The following IGF2BP3 variants were observed in gnomAD, a reference collection of about 807,000 sequenced individuals.
IGF2BP3 encodes insulin-like growth factor 2 mRNA-binding protein 3.
In IGF2BP3, 9 loss-of-function variants were observed where a neutral mutation model predicts 73.8. The ratio of observed to expected loss-of-function variants is 0.12; its 90% CI spans 0.07 to 0.21. The LOEUF is 0.21. Among genes scored for constraint, IGF2BP3 ranks in the 10% least tolerant of loss-of-function variants. The pLI, the probability that IGF2BP3 is intolerant of heterozygous loss-of-function variation, is 1.00. For synonymous variants in IGF2BP3, 258 were observed against 256.7 expected (o/e 1.01, Z -0.05); for missense variants, 542 against 714.0 (o/e 0.76, Z 2.75).
At position 23,312,413 on chromosome 7, in the gene IGF2BP3, G is replaced by A. The variant is rs1183010430; in HGVS notation, c.1689C>T (p.His563=). The A allele has an allele frequency of 1.2e-6, 2 of 1,613,648 alleles. No homozygotes were observed. Among genetic ancestry groups the A allele is most frequent in the Non-Finnish European group, 1.7e-6 (2 of 1,179,988 alleles). Residue 563 remains histidine (H), a synonymous_variant, in exon 15 of 15, where the codon CAC becomes CAT. Transcript: ENST00000258729. ...CACTTTGCAGAGCCTTCTGTTGTTG[G>A]TGCTGCTTTACCTGAGTCAGAATTT... ...IQEILTQVKQ[H]QQQKALQSGP...
chr7:23,410,076 C>T lies in IGF2BP3; in HGVS notation c.285+8700G>A, dbSNP rs542465231. Among the ~76,000 whole-genome samples the T allele has an allele frequency of 9.2e-4, 140 of 152,098 alleles. 1 individual carries two copies. The highest frequency in any genetic ancestry group is 5.6e-3 in the Admixed American group (86 of 15,264). On this transcript the variant is annotated intron_variant, in intron 3 of 14. Transcript: ENST00000258729. ...CCCAGCTACTCAGGAGGCTGAGACA[C>T]GAGAATCGCTTGAACCCAGGAGGCA...
chr7:23,449,377 TGTG>T (rs1355136297), intron 2 of IGF2BP3, among the ~76,000 whole-genome samples: 1 of 150,874 alleles, frequency 6.6e-6, no homozygotes, highest in Non-Finnish European at 1.5e-5. Context: ...ATTAGCCGGG[TGTG>T]GTGGTGGGCG....
Position 23,425,562 on chromosome 7 carries a change from T to TG in IGF2BP3, c.237-6739dup, listed in dbSNP as rs1787484626. Among the ~76,000 whole-genome samples, 4 of 152,042 alleles carry TG rather than the reference T, an allele frequency of 2.6e-5. No individual in the cohort carries two copies. The South Asian group carries it at 8.3e-4, about 31-fold the overall frequency. ...TGCCCAGCTAAATTTTTTGTAGAGA[T>TG]GGGGTCTCACTACATTCCCCAGGCT... On this transcript the variant is annotated intron_variant, in intron 2 of 14. Coordinates refer to ENST00000258729, the MANE Select transcript of IGF2BP3 (RefSeq NM_006547.3).
intron 5 of IGF2BP3, among the ~76,000 whole-genome samples, chr7:23,358,941 G>A (rs1475411887): frequency 2.0e-5 from 3 of 152,154 alleles, no homozygotes; most frequent in African/African-American, 7.2e-5. Context: ...TATTCTTATT[G>A]GCAACTTTTG....
chr7:23,316,720 G>A (rs1290884477), intron 12 of IGF2BP3, among the ~76,000 whole-genome samples: 4 of 150,518 alleles, frequency 2.7e-5, no homozygotes, highest in Non-Finnish European at 4.4e-5. Context: ...ACAGCTTAAG[G>A]TTAAATAGTT....
At chr7:23,317,191 C>G (rs1460934117) in intron 12 of IGF2BP3, among the ~76,000 whole-genome samples, 2 of 152,150 alleles carry the variant, frequency 1.3e-5, no homozygotes, top group African/African-American at 4.8e-5. Context: ...ATTCCTATCT[C>G]TAAGATCCCA....
At chr7:23,441,080 G>C (rs911398377) in intron 2 of IGF2BP3, among the ~76,000 whole-genome samples, 2 of 152,046 alleles carry the variant, frequency 1.3e-5, no homozygotes, top group Non-Finnish European at 2.9e-5. Flanking sequence ...TATACTTGAA[G>C]TATTTTTTGG....
chr7:23,466,657 C>T (rs375962783), intron 2 of IGF2BP3, among the ~76,000 whole-genome samples: 1 of 152,230 alleles, frequency 6.6e-6, no homozygotes, highest in South Asian at 2.1e-4. Context: ...TATATATATG[C>T]TTTTGGACTA....
At chr7:23,316,046 AT>A (rs1430324561) in intron 12 of IGF2BP3, among the ~76,000 whole-genome samples, 2 of 152,212 alleles carry the variant, frequency 1.3e-5, no homozygotes, top group African/African-American at 2.4e-5. Context: ...ATCTTTTAAG[AT>A]TTCAAACTAA....
chr7:23,460,753 C>T (rs952726842), intron 2 of IGF2BP3, among the ~76,000 whole-genome samples: 2 of 152,076 alleles, frequency 1.3e-5, no homozygotes, highest in African/African-American at 2.4e-5. Flanking sequence ...GGTTCAAGAC[C>T]ATTCTGGCCA....
chr7:23,453,418 T>C (rs1788245913), intron 2 of IGF2BP3, among the ~76,000 whole-genome samples: 1 of 152,258 alleles, frequency 6.6e-6, no homozygotes, highest in African/African-American at 2.4e-5. Flanking sequence ...ATCTGTACGA[T>C]ACTGTTAAAA....
At chr7:23,425,026 A>T (rs1787468354) in intron 2 of IGF2BP3, among the ~76,000 whole-genome samples, 1 of 152,250 alleles carries the variant, frequency 6.6e-6, no homozygotes, top group Non-Finnish European at 1.5e-5. Flanking sequence ...ATGAAAAATA[A>T]GGAGCTTTAT....
chr7:23,385,626 A>C (rs1786059324), intron 3 of IGF2BP3, among the ~76,000 whole-genome samples: 1 of 152,174 alleles, frequency 6.6e-6, no homozygotes, highest in Non-Finnish European at 1.5e-5. Context: ...TGGGGGGAAG[A>C]TAAAAAAAGG....
intron 3 of IGF2BP3, among the ~76,000 whole-genome samples, chr7:23,378,569 GTTTTTTTTTTTTTT>G (rs1156868701): frequency 1.5e-5 from 1 of 65,884 alleles, no homozygotes; most frequent in Admixed American, 2.2e-4. Flanking sequence ...ATTTTTGCTT[GTTTTTTTTTTTTTT>G]TTTTTTTTTG....
At chr7:23,431,980 C>G (rs1390878634) in intron 2 of IGF2BP3, among the ~76,000 whole-genome samples, 1 of 152,128 alleles carries the variant, frequency 6.6e-6, no homozygotes, top group Admixed American at 6.5e-5. Flanking sequence ...GGCAATTATT[C>G]AATATTACTT....
chr7:23,436,001 C>T (rs1302658119), intron 2 of IGF2BP3, among the ~76,000 whole-genome samples: 2 of 152,200 alleles, frequency 1.3e-5, no homozygotes, highest in Non-Finnish European at 2.9e-5. Flanking sequence ...AAGTGATCCA[C>T]CTGCCTCGGC....
At chr7:23,332,111 C>G (rs1322623627) in intron 10 of IGF2BP3, among the ~76,000 whole-genome samples, 1 of 152,122 alleles carries the variant, frequency 6.6e-6, no homozygotes, top group Non-Finnish European at 1.5e-5. Flanking sequence ...CTCCCACTGA[C>G]AAGTGGGAAT....
chr7:23,436,506 CCTACTCT>C (rs1787811272), intron 2 of IGF2BP3, among the ~76,000 whole-genome samples: 2 of 152,054 alleles, frequency 1.3e-5, no homozygotes, highest in South Asian at 4.1e-4. Flanking sequence ...ACTGTTTTTC[CCTACTCT>C]CTTAAATCTA....
intron 2 of IGF2BP3, among the ~76,000 whole-genome samples, chr7:23,464,950 T>G (rs1174191113): frequency 3.3e-5 from 5 of 152,018 alleles, no homozygotes; most frequent in African/African-American, 1.2e-4. Flanking sequence ...AAAGGTTAGG[T>G]TCTAAAAAAC....
Sources: allele counts gnomAD v4.1 joint callset (sites outside exome capture counted in the v4.1 genomes callset), GRCh38; gene constraint gnomAD v4.1.1; transcripts MANE v1.5; gene names NCBI Gene and HGNC (gene_info 2026-07-23, HGNC 2026-07-21).